MAGI1: variants seen among roughly 807,000 people sequenced by gnomAD.
MAGI1 encodes the protein membrane-associated guanylate kinase, WW and PDZ domain-containing protein 1.
A neutral mutation model predicts 139.9 loss-of-function variants in MAGI1; 58 were observed. The ratio of observed to expected loss-of-function variants is 0.41; its 90% CI spans 0.34 to 0.52. The LOEUF is 0.52. Among genes scored for constraint, MAGI1 ranks in the 20% least tolerant of loss-of-function variants. MAGI1 has a pLI of 0.12. For synonymous variants in MAGI1, 812 were observed against 737.9 expected, an observed-to-expected ratio of 1.10 and a Z score of -1.63; for missense variants, 1,874 against 1,901.6, an observed-to-expected ratio of 0.99 and a Z score of 0.27.
At chr3:65,985,979 A>T (rs1205843464) in intron 1 of MAGI1, among the ~76,000 whole-genome samples, 2 of 152,212 alleles carry the variant, frequency 1.3e-5, no homozygotes, top group Non-Finnish European at 2.9e-5. Context: ...GTATTTGTAA[A>T]GACGTCTTCC....
intron 1 of MAGI1, among the ~76,000 whole-genome samples, chr3:65,973,323 C>G (rs992609357): frequency 8.5e-5 from 13 of 152,058 alleles, no homozygotes; most frequent in African/African-American, 3.1e-4. Context: ...CTGGTATTTT[C>G]TACTCTTTTT....
chr3:65,946,914 C>G (rs1291345063), intron 1 of MAGI1, among the ~76,000 whole-genome samples: 1 of 152,104 alleles, frequency 6.6e-6, no homozygotes, highest in East Asian at 1.9e-4. Context: ...CACTTTTGAA[C>G]TAAAATCTAA....
chr3:65,948,500 A>G (rs1346139039), intron 1 of MAGI1, among the ~76,000 whole-genome samples: 1 of 152,198 alleles, frequency 6.6e-6, no homozygotes, highest in Non-Finnish European at 1.5e-5. Context: ...GTAACTTTTA[A>G]ATGAGATTAA....
chr3:65,703,806 A>G (rs2089778332), intron 1 of MAGI1, among the ~76,000 whole-genome samples: 1 of 152,188 alleles, frequency 6.6e-6, no homozygotes, highest in African/African-American at 2.4e-5. Context: ...AATGAACCTC[A>G]GGAAAATGAG....
intron 5 of MAGI1, among the ~76,000 whole-genome samples, chr3:65,466,557 C>CA (rs1370424281): frequency 2.0e-5 from 3 of 152,156 alleles, no homozygotes; most frequent in Non-Finnish European, 4.4e-5. Flanking sequence ...AGGACTATCT[C>CA]ACTATTGCTC....
At chr3:65,591,664 T>C (rs547443268) in intron 2 of MAGI1, among the ~76,000 whole-genome samples, 1 of 152,318 alleles carries the variant, frequency 6.6e-6, no homozygotes, top group African/African-American at 2.4e-5. Context: ...ATGTCTAGCA[T>C]AATCTGTCAT....
At chr3:65,667,237 T>C (rs1559768994) in intron 1 of MAGI1, among the ~76,000 whole-genome samples, 1 of 152,104 alleles carries the variant, frequency 6.6e-6, no homozygotes, top group Non-Finnish European at 1.5e-5. Context: ...ATTGGGAAAG[T>C]AGGACTACAG....
intron 12 of MAGI1, among the ~76,000 whole-genome samples, chr3:65,428,515 T>C (rs1415859380): frequency 6.6e-6 from 1 of 152,132 alleles, no homozygotes. Flanking sequence ...AACGCGAGCA[T>C]GTGGAGGGAA....
At position 65,375,893 on chromosome 3, in the gene MAGI1, G is replaced by A. The variant is rs1459823746; in HGVS notation, c.3048C>T (p.Ser1016=). Reference sequence around the variant, plus strand: ...TCAGCTTGCCACAGCGGTCAGCAGGGCTCCCCTCAATAATCCGACCTATTT... The same window carrying A: ...TCAGCTTGCCACAGCGGTCAGCAGGACTCCCCTCAATAATCCGACCTATTT... ...PHKIGRIIEG[S]PADRCGKLKV... is the part of the protein sequence containing the mutation. Residue 1016 remains serine, a synonymous_variant, in exon 18 of 23, where the codon AGC becomes AGT. Coordinates refer to ENST00000402939, the MANE Select transcript of MAGI1 (RefSeq NM_001033057.2). 5.6e-6 allele frequency: 9 copies of A among 1,613,948 alleles called. No individual in the cohort carries two copies. The Admixed American group carries it at 1.5e-4, about 27-fold the overall frequency.
At chr3:65,466,240 T>G (rs1336661829) in intron 5 of MAGI1, among the ~76,000 whole-genome samples, 1 of 152,228 alleles carries the variant, frequency 6.6e-6, no homozygotes, top group East Asian at 1.9e-4. Context: ...GCTGTGTTAG[T>G]ATCTACTCAT....
At chr3:65,845,985 G>C (rs1028041194) in intron 1 of MAGI1, among the ~76,000 whole-genome samples, 15 of 152,120 alleles carry the variant, frequency 9.9e-5, no homozygotes, top group Admixed American at 7.9e-4. Context: ...GGCTAAAAAA[G>C]CTTAAATCTT....
At chr3:65,378,418 ATAGAG>A (rs1942742753) in intron 17 of MAGI1, among the ~76,000 whole-genome samples, 1 of 152,172 alleles carries the variant, frequency 6.6e-6, no homozygotes, top group African/African-American at 2.4e-5. Flanking sequence ...TCCTATGGGG[ATAGAG>A]TAGAGAAAGA....
chr3:65,387,289 A>G (rs1943526446), intron 14 of MAGI1: 1 of 1,278,790 alleles, frequency 7.8e-7, no homozygotes, highest in Admixed American at 1.7e-5. Flanking sequence ...AGTTCACTTT[A>G]ATTTAGTTTT....
In MAGI1 at chr3:65,881,662, T is replaced by A. The variant is rs9817383; in HGVS notation, c.313+156334A>T. ...AAAAGTTAGGACTTCCATATGAGTA[T>A]AATAAGCTCATCACACATTTGTAAG... On this transcript the variant is annotated intron_variant, in intron 1 of 22. Coordinates refer to ENST00000402939, the MANE Select transcript of MAGI1 (RefSeq NM_001033057.2). Among the ~76,000 whole-genome samples, 885 of 152,206 alleles carry A rather than the reference T, an allele frequency of 5.8e-3. 8 individuals carry two copies. Among genetic ancestry groups the A allele is most frequent in the African/African-American group, 0.015 (625 of 41,546 alleles).
intron 3 of MAGI1, among the ~76,000 whole-genome samples, 153 bp downstream of exon 3, chr3:65,493,359 C>T (rs528589538): frequency 6.6e-6 from 1 of 152,196 alleles, no homozygotes; most frequent in Non-Finnish European, 1.5e-5. Context: ...ATTCCATAGA[C>T]TTTGTCTATT....
intron 1 of MAGI1, among the ~76,000 whole-genome samples, chr3:65,735,611 T>A (rs1405701340): frequency 6.6e-6 from 1 of 152,072 alleles, no homozygotes; most frequent in Non-Finnish European, 1.5e-5. Flanking sequence ...ACCCAGTGAA[T>A]GATCCTTGAG....
At chr3:65,796,570 T>C (rs551842314) in intron 1 of MAGI1, among the ~76,000 whole-genome samples, 2 of 152,330 alleles carry the variant, frequency 1.3e-5, no homozygotes, top group Non-Finnish European at 2.9e-5. Context: ...CAGCTATATC[T>C]ATGTGGGGCA....
intron 22 of MAGI1, chr3:65,359,540 GTTAAA>G: frequency 1.0e-6 from 1 of 1,002,808 alleles, no homozygotes; most frequent in Non-Finnish European, 1.2e-6. Context: ...GACCGCGGCA[GTTAAA>G]TTAAGTACAA....
chr3:66,025,339 G>C (rs1238513446), intron 1 of MAGI1, among the ~76,000 whole-genome samples: 1 of 152,046 alleles, frequency 6.6e-6, no homozygotes, highest in African/African-American at 2.4e-5. Flanking sequence ...AGGATTCTGA[G>C]ACCAGCCTGA....
Sources: allele counts gnomAD v4.1 joint callset (sites outside exome capture counted in the v4.1 genomes callset), GRCh38; gene constraint gnomAD v4.1.1; transcripts MANE v1.5; gene names NCBI Gene and HGNC (gene_info 2026-07-23, HGNC 2026-07-21).